Variants in TBC1D8 observed in about 807,000 individuals in gnomAD.
The protein encoded by TBC1D8 is TBC1 domain family member 8.
TBC1D8 carries 65 observed loss-of-function variants against 118.8 expected under a neutral mutation model. The ratio of observed to expected loss-of-function variants is 0.55; its 90% CI spans 0.45 to 0.67. TBC1D8 has a LOEUF of 0.67. TBC1D8 is among the 30% of genes least tolerant of loss of function. The pLI is 0.00. For missense variants in TBC1D8, 1,376 were observed against 1,471.2 expected, an observed-to-expected ratio of 0.94 and a Z score of 1.06; for synonymous variants, 566 against 595.8, an observed-to-expected ratio of 0.95 and a Z score of 0.73.
rs1415865663 is a variant in TBC1D8, at chr2:101,050,541, A to C, written c.732T>G (p.Arg244=). 1 of 1,613,986 alleles carries C rather than the reference A, an allele frequency of 6.2e-7. No individual in the cohort carries two copies. The highest frequency in any genetic ancestry group is 1.7e-5 in the Admixed American group (1 of 60,028). The part of the protein sequence containing the change: ...TIRITTQNKE[R]DFSMFLNLDE... ...CCAGGTTCAGGAACATGGAGAAGTCACGCTCCTTATTCTGCGTGGTGATTC... is the reference window on the plus strand; with the variant it reads ...CCAGGTTCAGGAACATGGAGAAGTCCCGCTCCTTATTCTGCGTGGTGATTC... The change falls in exon 5 of 20, where the codon CGT becomes CGG. Residue 244 remains arginine (R), a synonymous_variant. Transcript: ENST00000409318.
intron 1 of TBC1D8, among the ~76,000 whole-genome samples, chr2:101,094,985 G>A (rs753700522): frequency 1.3e-5 from 2 of 152,258 alleles, no homozygotes; most frequent in South Asian, 2.1e-4. Flanking sequence ...GCCATAAATC[G>A]TAGGAATATT....
At chr2:101,020,039 T>C (rs948502895) in intron 17 of TBC1D8, among the ~76,000 whole-genome samples, 10 of 150,058 alleles carry the variant, frequency 6.7e-5, no homozygotes, top group African/African-American at 9.8e-5. Context: ...CGCCACTGCA[T>C]TCCAGCCTGG....
Position 101,128,074 on chromosome 2 carries a change from A to G in TBC1D8, c.127+23053T>C, listed in dbSNP as rs180916744. 3.3e-5 allele frequency among the ~76,000 whole-genome samples: 5 copies of G among 152,334 alleles called. No individual in the cohort carries two copies. The East Asian group carries it at 9.6e-4, about 29-fold the overall frequency. ...ACCAAGGTCCAAGGTCATTCAGGTT[A>G]ATAAGGACAAGATTTCTTTTCTTTT... is the stretch of plus-strand genomic sequence containing the variant. On this transcript the variant is annotated intron_variant, in intron 1 of 19. Coordinates refer to ENST00000409318, the MANE Select transcript of TBC1D8 (RefSeq NM_001330348.2).
Position 101,011,019 on chromosome 2 carries a change from T to C in TBC1D8, c.2925A>G (p.Ala975=). 2 of 1,612,020 alleles carry C rather than the reference T, an allele frequency of 1.2e-6. No individual in the cohort carries two copies. The highest frequency in any genetic ancestry group is 1.7e-6 in the Non-Finnish European group (2 of 1,179,652). ...GCTTCAGCTGTTTCTGATAATCAAC[T>C]GCATCACCTTGAAACAAAGGAAAAC... The part of the protein sequence containing the change: ...PLVFGKPNGD[A]VDYQKQLKQM... The change falls in exon 19 of 20, where the codon GCA becomes GCG. Residue 975 remains alanine (A), a synonymous_variant. Transcript: ENST00000409318.
At chr2:101,112,359 G>C (rs1021682932) in intron 1 of TBC1D8, among the ~76,000 whole-genome samples, 4 of 152,158 alleles carry the variant, frequency 2.6e-5, no homozygotes, top group African/African-American at 9.7e-5. Context: ...ATCTAAGGTG[G>C]TCTCCTGCCA....
chr2:101,122,346 C>G (rs551603393), intron 1 of TBC1D8, among the ~76,000 whole-genome samples: 3 of 126,804 alleles, frequency 2.4e-5, no homozygotes, highest in African/African-American at 9.1e-5. Flanking sequence ...GCTAGGATTA[C>G]AGGCGTGAGC....
intron 7 of TBC1D8, 130 bp from the exon 8 acceptor site, chr2:101,037,838 A>G (rs1681121447): frequency 8.8e-7 from 1 of 1,139,160 alleles, no homozygotes. Flanking sequence ...CAGGGGGAAG[A>G]CAGACTGACG....
chr2:101,060,884 A>G (rs1682713745), intron 2 of TBC1D8, among the ~76,000 whole-genome samples: 1 of 152,132 alleles, frequency 6.6e-6, no homozygotes, highest in South Asian at 2.1e-4. Context: ...GCCACACACC[A>G]CTTACTCAAA....
Position 101,038,563 on chromosome 2 carries a change from C to A in TBC1D8, c.1173G>T (p.Glu391Asp), listed in dbSNP as rs746421271. Residue 391 changes from glutamate (E) to aspartate (D), a missense_variant, in exon 7 of 20, where the codon GAG becomes GAT. Glu to Asp is a conservative substitution (Grantham distance 45). Transcript: ENST00000409318. ...CCACCAGGCTGTCTCGGTCCCGGAG[C>A]TCAATGAACTGGAAGGCCACCTTGC... ...IRSKVAFQFI[E>D]LRDRDSLVEA... The A allele has an allele frequency of 6.2e-7, 1 of 1,613,922 alleles. No individual in the cohort carries two copies. Among genetic ancestry groups the A allele is most frequent in the Non-Finnish European group, 8.5e-7 (1 of 1,179,888 alleles).
intron 2 of TBC1D8, among the ~76,000 whole-genome samples, chr2:101,077,113 T>C (rs1674886272): frequency 6.6e-6 from 1 of 152,154 alleles, no homozygotes; most frequent in African/African-American, 2.4e-5. Context: ...AACCTCCGCC[T>C]CCCGGGTTCA....
At chr2:101,058,564 G>T (rs970768576) in intron 3 of TBC1D8, among the ~76,000 whole-genome samples, 1 of 152,070 alleles carries the variant, frequency 6.6e-6, no homozygotes, top group Non-Finnish European at 1.5e-5. Context: ...TTGCAGTGAG[G>T]CCAGTTATAT....
At position 101,083,222 on chromosome 2, in the gene TBC1D8, G is replaced by A. The variant is rs546640964; in HGVS notation, c.283+6987C>T. 5.9e-5 allele frequency among the ~76,000 whole-genome samples: 9 copies of A among 152,224 alleles called. 1 individual carries two copies. In the East Asian group the frequency reaches 7.7e-4, roughly 13 times the overall value. Reference sequence around the variant, plus strand: ...ATGGTTTACTGAGCATTGATGACACGTCAAGCTCTGTCCTAGGCATCAGAA... The same window carrying A: ...ATGGTTTACTGAGCATTGATGACACATCAAGCTCTGTCCTAGGCATCAGAA... On this transcript the variant is annotated intron_variant, in intron 2 of 19. Transcript: ENST00000409318.
intron 17 of TBC1D8, chr2:101,017,854 A>G: frequency 1.9e-6 from 3 of 1,550,892 alleles, no homozygotes; most frequent in South Asian, 1.2e-5. Flanking sequence ...GCAATTCCCA[A>G]TTAGGTCTTC....
rs561142633 is a variant in TBC1D8, at chr2:101,017,720, T to C, written c.2827+3961A>G. ...CATTCTAACAGATATCCATGGTACATCACTTTATCACAGGCAAGATAGGGT... is the reference window on the plus strand; with the variant it reads ...CATTCTAACAGATATCCATGGTACACCACTTTATCACAGGCAAGATAGGGT... On this transcript the variant is annotated intron_variant, in intron 17 of 19. Coordinates refer to ENST00000409318, the MANE Select transcript of TBC1D8 (RefSeq NM_001330348.2). 249 of 867,454 alleles carry C rather than the reference T, an allele frequency of 2.9e-4. 2 individuals carry two copies. Among genetic ancestry groups the C allele is most frequent in the Middle Eastern group, 2.5e-3 (10 of 3,934 alleles). 53.7% of individuals were successfully genotyped at this position (867,454 alleles called of 1,614,324 possible). A position where few individuals can be genotyped will look rare whatever the true frequency, so the allele number is the denominator to read the frequency against.
chr2:101,111,458 A>C (rs1677578378), intron 1 of TBC1D8, among the ~76,000 whole-genome samples: 1 of 152,174 alleles, frequency 6.6e-6, no homozygotes, highest in Non-Finnish European at 1.5e-5. Context: ...CGAATGCCTG[A>C]GTGTGTGCGC....
chr2:101,012,662 C>T lies in TBC1D8; in HGVS notation c.2828-1122G>A, dbSNP rs527546101. On this transcript the variant is annotated intron_variant, in intron 17 of 19. Transcript: ENST00000409318. Reference sequence around the variant, plus strand: ...AACCCATTGAATTGTACGCTTTAAACGGGTGACTTGCATGGTGCGTGAAAT... The same window carrying T: ...AACCCATTGAATTGTACGCTTTAAATGGGTGACTTGCATGGTGCGTGAAAT... Among the ~76,000 whole-genome samples, 15 of 151,380 alleles carry T rather than the reference C, an allele frequency of 9.9e-5. No individual in the cohort carries two copies. The South Asian group carries it at 1.9e-3, about 19-fold the overall frequency.
intron 15 of TBC1D8, 134 bp from the exon 16 acceptor site, chr2:101,022,655 C>T: frequency 7.7e-7 from 1 of 1,300,324 alleles, no homozygotes. Context: ...TCCCTTGTTA[C>T]CCTGACATCC....
chr2:101,092,550 T>A (rs746922225), intron 1 of TBC1D8, among the ~76,000 whole-genome samples: 2 of 152,210 alleles, frequency 1.3e-5, no homozygotes, highest in Non-Finnish European at 2.9e-5. Flanking sequence ...TATGGCCTCA[T>A]GTTTTTCTCC....
intron 1 of TBC1D8, among the ~76,000 whole-genome samples, chr2:101,106,894 G>T (rs750282672): frequency 6.6e-6 from 1 of 152,194 alleles, no homozygotes; most frequent in Admixed American, 6.5e-5. Context: ...TATGCTTTGT[G>T]TTAGAAGACT....
Sources: allele counts gnomAD v4.1 joint callset (sites outside exome capture counted in the v4.1 genomes callset), GRCh38; gene constraint gnomAD v4.1.1; transcripts MANE v1.5; gene names NCBI Gene and HGNC (gene_info 2026-07-23, HGNC 2026-07-21).